Variants in VEPH1 observed in about 807,000 individuals in gnomAD.
VEPH1 encodes the protein ventricular zone-expressed PH domain-containing protein homolog 1.
In VEPH1, 80 loss-of-function variants were observed where a neutral mutation model predicts 85.2. That is an observed-to-expected ratio of 0.94 (90% confidence interval 0.78 to 1.13). VEPH1 has a LOEUF of 1.13. VEPH1 is among the 50% of genes most tolerant of loss of function. The pLI is 0.00. For synonymous variants in VEPH1, 297 were observed against 348.0 expected, an observed-to-expected ratio of 0.85 and a Z score of 1.63; for missense variants, 955 against 980.5, an observed-to-expected ratio of 0.97 and a Z score of 0.35.
intron 4 of VEPH1, among the ~76,000 whole-genome samples, chr3:157,434,992 C>T (rs1308292094): frequency 1.3e-5 from 2 of 152,056 alleles, no homozygotes; most frequent in Non-Finnish European, 2.9e-5. Context: ...ATCTGTCTTC[C>T]AGTTCATTAA....
chr3:157,277,166 C>A (rs1386081188), intron 12 of VEPH1, among the ~76,000 whole-genome samples: 1 of 152,192 alleles, frequency 6.6e-6, no homozygotes, highest in African/African-American at 2.4e-5. Flanking sequence ...GCTGGGATTA[C>A]AGATGTGAGC....
chr3:157,419,052 A>G (rs936080993), intron 5 of VEPH1, among the ~76,000 whole-genome samples: 10 of 152,214 alleles, frequency 6.6e-5, no homozygotes, highest in Non-Finnish European at 1.0e-4. Flanking sequence ...CTGATCTTCA[A>G]CAAACCTGAC....
At chr3:157,437,627 G>A in intron 4 of VEPH1, 2 of 1,556,792 alleles carry the variant, frequency 1.3e-6, no homozygotes, top group South Asian at 1.2e-5. Flanking sequence ...GACGTCCTGC[G>A]GGGCGAGCTG....
intron 2 of VEPH1, among the ~76,000 whole-genome samples, chr3:157,485,087 T>C (rs1738495800): frequency 6.6e-6 from 1 of 152,190 alleles, no homozygotes; most frequent in African/African-American, 2.4e-5. Flanking sequence ...AAATGTGGAA[T>C]TGCTGTCATT....
intron 7 of VEPH1, among the ~76,000 whole-genome samples, chr3:157,370,957 C>T (rs999433570): frequency 4.6e-5 from 7 of 152,280 alleles, no homozygotes; most frequent in African/African-American, 1.7e-4. Context: ...ATTACATCAT[C>T]AGATTGCTGA....
rs144979346 is a variant in VEPH1, at chr3:157,442,750, G to A, written c.530-14262C>T. 1.2e-5 allele frequency: 19 copies of A among 1,614,244 alleles called. 1 individual carries two copies. In the East Asian group the frequency reaches 4.2e-4, roughly 36 times the overall value. ...ACAGGTCACATTGTTCCTGAGGGAG[G>A]AATCCTGCAGATTGGCCAAGAAAAG... On this transcript the variant is annotated intron_variant, in intron 4 of 13. Coordinates refer to ENST00000362010, the MANE Select transcript of VEPH1 (RefSeq NM_001167912.2).
chr3:157,394,164 A>G (rs1730150114), intron 6 of VEPH1, among the ~76,000 whole-genome samples: 1 of 152,232 alleles, frequency 6.6e-6, no homozygotes, highest in African/African-American at 2.4e-5. Context: ...ACTAGCAAGG[A>G]AAGTGTCGAC....
At chr3:157,368,476 G>GTTTTTTTT (rs59050089) in intron 7 of VEPH1, among the ~76,000 whole-genome samples, 16 of 140,382 alleles carry the variant, frequency 1.1e-4, no homozygotes, top group South Asian at 2.2e-4. Context: ...TAAACAATAA[G>GTTTTTTTT]TTTTTTGTTT....
At chr3:157,348,619 A>G (rs193201241) in intron 9 of VEPH1, among the ~76,000 whole-genome samples, 2 of 152,356 alleles carry the variant, frequency 1.3e-5, no homozygotes, top group African/African-American at 4.8e-5. Flanking sequence ...CAGTCCTGGA[A>G]ATGGGAAGTC....
intron 11 of VEPH1, among the ~76,000 whole-genome samples, chr3:157,302,733 G>A (rs934312858): frequency 5.9e-5 from 9 of 152,130 alleles, no homozygotes; most frequent in Non-Finnish European, 8.8e-5. Context: ...AAACTCCTCC[G>A]TGGCTTTCCA....
chr3:157,421,643 G>A (rs1732346553), intron 5 of VEPH1, among the ~76,000 whole-genome samples: 1 of 152,120 alleles, frequency 6.6e-6, no homozygotes, highest in Non-Finnish European at 1.5e-5. Context: ...GAGGGAGAAG[G>A]TGAATCAGGC....
chr3:157,458,887 C>G (rs546657778), intron 4 of VEPH1, among the ~76,000 whole-genome samples: 1 of 152,122 alleles, frequency 6.6e-6, no homozygotes, highest in Admixed American at 6.6e-5. Flanking sequence ...GTCCTTCCCC[C>G]ACTGATTATT....
intron 4 of VEPH1, chr3:157,438,019 A>C (rs1733782200): frequency 1.8e-6 from 2 of 1,133,532 alleles, no homozygotes; most frequent in African/African-American, 2.0e-5. Flanking sequence ...CTTTCATGGG[A>C]AGCGCGCGCG....
intron 9 of VEPH1, among the ~76,000 whole-genome samples, chr3:157,321,310 T>G (rs1422339071): frequency 6.6e-6 from 1 of 152,176 alleles, no homozygotes; most frequent in East Asian, 1.9e-4. Context: ...CACATGAATA[T>G]GTTTGCTGAA....
At chr3:157,369,180 G>GGAAAAAAAAAAAAAAAAA (rs1553773035) in intron 7 of VEPH1, among the ~76,000 whole-genome samples, 2 of 42,780 alleles carry the variant, frequency 4.7e-5, no homozygotes. Context: ...AAAACCAAAT[G>GGAAAAAAAAAAAAAAAAA]AAAAAAAAAA....
intron 2 of VEPH1, among the ~76,000 whole-genome samples, chr3:157,494,451 A>G (rs1577812873): frequency 6.6e-6 from 1 of 152,302 alleles, no homozygotes; most frequent in East Asian, 1.9e-4. Context: ...CAAGAAGGTC[A>G]ACATGAAACC....
chr3:157,467,879 T>G (rs989869963), intron 3 of VEPH1, among the ~76,000 whole-genome samples: 2 of 152,194 alleles, frequency 1.3e-5, no homozygotes, highest in African/African-American at 4.8e-5. Context: ...TCTTACAAAC[T>G]CATTTACACT....
At chr3:157,289,716 C>CAAATAGAAAAA (rs1717236978) in intron 11 of VEPH1, among the ~76,000 whole-genome samples, 1 of 152,168 alleles carries the variant, frequency 6.6e-6, no homozygotes, top group South Asian at 2.1e-4. Flanking sequence ...CCAAGAATTG[C>CAAATAGAAAAA]TATATGGCTT....
chr3:157,469,758 C>T (rs1037344030), intron 3 of VEPH1, among the ~76,000 whole-genome samples: 45 of 152,178 alleles, frequency 3.0e-4, no homozygotes, highest in African/African-American at 9.9e-4. Context: ...TGCCCAATAT[C>T]GCAGTGTTAC....
Sources: gnomAD v4.1 joint callset for allele counts (sites outside exome capture counted in the v4.1 genomes callset) on GRCh38, gnomAD v4.1.1 for gene constraint, MANE v1.5 for transcripts, NCBI Gene and HGNC (gene_info 2026-07-23, HGNC 2026-07-21) for gene names.